LRRTM3: variants seen among roughly 807,000 people sequenced by gnomAD.
LRRTM3 encodes the protein leucine-rich repeat transmembrane neuronal protein 3.
In LRRTM3, 24 loss-of-function variants were observed where a neutral mutation model predicts 44.7. The ratio of observed to expected loss-of-function variants is 0.54; its 90% CI spans 0.39 to 0.76. The LOEUF is 0.76. Ranked by LOEUF, LRRTM3 falls within the 30% of genes least tolerant of loss-of-function variation. The pLI is 0.00. For missense variants in LRRTM3, 587 were observed against 702.2 expected, an observed-to-expected ratio of 0.84 and a Z score of 1.85; for synonymous variants, 277 against 278.7, an observed-to-expected ratio of 0.99 and a Z score of 0.06.
intron 2 of LRRTM3, among the ~76,000 whole-genome samples, chr10:67,091,808 C>G (rs1306920350): frequency 6.6e-6 from 1 of 151,970 alleles, no homozygotes; most frequent in Non-Finnish European, 1.5e-5. Context: ...ATTAAGCTGA[C>G]TTAATCTAAT....
At chr10:67,084,109 A>C (rs1857185519) in intron 2 of LRRTM3, among the ~76,000 whole-genome samples, 1 of 152,054 alleles carries the variant, frequency 6.6e-6, no homozygotes, top group African/African-American at 2.4e-5. Flanking sequence ...ATATATTAAA[A>C]CACCTATATT....
chr10:67,003,009 C>T (rs941369426), intron 2 of LRRTM3, among the ~76,000 whole-genome samples: 7 of 152,060 alleles, frequency 4.6e-5, no homozygotes, highest in Non-Finnish European at 7.4e-5. Flanking sequence ...ATTGCTTTCA[C>T]GGTAATTATG....
At chr10:67,078,782 C>T (rs1372264923) in intron 2 of LRRTM3, among the ~76,000 whole-genome samples, 1 of 152,158 alleles carries the variant, frequency 6.6e-6, no homozygotes, top group Admixed American at 6.5e-5. Flanking sequence ...CCCCAACGTG[C>T]TGAGATTACA....
intron 2 of LRRTM3, among the ~76,000 whole-genome samples, chr10:67,094,960 C>T (rs1857885548): frequency 6.6e-6 from 1 of 151,502 alleles, no homozygotes; most frequent in South Asian, 2.1e-4. Context: ...TTTGCATTTT[C>T]CATACCTGAT....
At chr10:67,076,169 C>G (rs892043257) in intron 2 of LRRTM3, among the ~76,000 whole-genome samples, 2 of 152,192 alleles carry the variant, frequency 1.3e-5, no homozygotes, top group Non-Finnish European at 2.9e-5. Flanking sequence ...TCAGAAGATT[C>G]AATTCCTCCA....
chr10:66,950,267 A>G (rs994810544), intron 2 of LRRTM3, among the ~76,000 whole-genome samples: 3 of 152,106 alleles, frequency 2.0e-5, no homozygotes, highest in Non-Finnish European at 4.4e-5. Flanking sequence ...TTTTACTTCT[A>G]TAGCCATTAA....
intron 2 of LRRTM3, among the ~76,000 whole-genome samples, chr10:66,966,831 CTG>C (rs1849442540): frequency 6.6e-6 from 1 of 152,048 alleles, no homozygotes; most frequent in Non-Finnish European, 1.5e-5. Context: ...CTCCATATCT[CTG>C]TGTTACCCAA....
At chr10:67,089,191 A>G (rs1336991394) in intron 2 of LRRTM3, among the ~76,000 whole-genome samples, 1 of 152,008 alleles carries the variant, frequency 6.6e-6, no homozygotes, top group Non-Finnish European at 1.5e-5. Flanking sequence ...TGTACTTGTG[A>G]CCTCAGAATA....
intron 2 of LRRTM3, among the ~76,000 whole-genome samples, chr10:66,929,265 G>T (rs1847238891): frequency 6.6e-6 from 1 of 152,180 alleles, no homozygotes; most frequent in African/African-American, 2.4e-5. Context: ...TGAGAAGCCA[G>T]ATTTCTCCAC....
In LRRTM3 at chr10:67,025,965, G is replaced by A. The variant is rs559545915; in HGVS notation, c.1537-71622G>A. ...GAGTTCATGTCCTTTGTAGGGACAT[G>A]GATGAAATTGGAAATCATCATTCTC... is the stretch of plus-strand genomic sequence containing the variant. On this transcript the variant is annotated intron_variant, in intron 2 of 2. Coordinates refer to ENST00000361320, the MANE Select transcript of LRRTM3 (RefSeq NM_178011.5). Among the ~76,000 whole-genome samples, 409 of 150,932 alleles carry A rather than the reference G, an allele frequency of 2.7e-3. 3 individuals are homozygous for A. Among genetic ancestry groups the A allele is most frequent in the African/African-American group, 9.2e-3 (374 of 40,644 alleles).
chr10:66,946,302 C>A (rs1234890296), intron 2 of LRRTM3, among the ~76,000 whole-genome samples: 1 of 152,080 alleles, frequency 6.6e-6, no homozygotes, highest in Non-Finnish European at 1.5e-5. Context: ...GACCTGCATG[C>A]TGGAAAGTTG....
At position 66,926,619 on chromosome 10, in the gene LRRTM3, TAAAAACA is replaced by T. The variant is rs746377219; in HGVS notation, c.4+46_4+52del. 1.1e-4 allele frequency: 171 copies of T among 1,612,800 alleles called. 1 individual carries two copies. In the South Asian group the frequency reaches 1.4e-3, roughly 13 times the overall value. ...TTTGTCATTTTTCTTCTTTCCTTCT[TAAAAACA>T]AAAAACAAAAAACCTCTAGTGTGTG... On this transcript the variant is annotated intron_variant, in intron 1 of 2. Transcript: ENST00000361320.
At chr10:67,021,588 T>G (rs1853019262) in intron 2 of LRRTM3, among the ~76,000 whole-genome samples, 2 of 152,092 alleles carry the variant, frequency 1.3e-5, no homozygotes, top group Non-Finnish European at 2.9e-5. Flanking sequence ...ATGAAAGTTA[T>G]GTAGTGATAT....
At chr10:66,949,509 G>A (rs920366094) in intron 2 of LRRTM3, among the ~76,000 whole-genome samples, 10 of 151,276 alleles carry the variant, frequency 6.6e-5, no homozygotes, top group African/African-American at 2.4e-4. Context: ...AGTGAGCCAA[G>A]ATCGCGCCAT....
rs185238731 is a variant in LRRTM3, at chr10:67,027,339, T to C, written c.1537-70248T>C. Among the ~76,000 whole-genome samples the C allele has an allele frequency of 3.2e-3, 490 of 152,268 alleles. 5 individuals are homozygous for C. Among genetic ancestry groups the C allele is most frequent in the African/African-American group, 0.011 (460 of 41,558 alleles). ...ATCTGACATTCAACTGACATTCTTC[T>C]AAAATTGGTATTCCTGGATTACTTT... On this transcript the variant is annotated intron_variant, in intron 2 of 2. Transcript: ENST00000361320.
At chr10:67,044,960 A>T (rs1298861196) in intron 2 of LRRTM3, among the ~76,000 whole-genome samples, 1 of 152,226 alleles carries the variant, frequency 6.6e-6, no homozygotes, top group Non-Finnish European at 1.5e-5. Flanking sequence ...ATAAGATTTG[A>T]TATTTAAAAC....
At chr10:67,038,690 A>C (rs114918817) in intron 2 of LRRTM3, among the ~76,000 whole-genome samples, 1,836 of 152,186 alleles carry the variant, frequency 0.012, 47 homozygotes, top group African/African-American at 0.042. Flanking sequence ...ATCAATTCCT[A>C]AGGTGAAACA....
At chr10:67,028,502 G>T (rs1162907061) in intron 2 of LRRTM3, among the ~76,000 whole-genome samples, 4 of 151,864 alleles carry the variant, frequency 2.6e-5, no homozygotes, top group Non-Finnish European at 5.9e-5. Context: ...GGCAAACTAG[G>T]AAGTAAAGAC....
intron 2 of LRRTM3, among the ~76,000 whole-genome samples, chr10:67,096,461 TCAAA>T (rs1858000823): frequency 6.6e-6 from 1 of 151,892 alleles, no homozygotes; most frequent in Non-Finnish European, 1.5e-5. Flanking sequence ...TCTGATGTGC[TCAAA>T]CAAATATACA....
Sources: gnomAD v4.1 joint callset for allele counts (sites outside exome capture counted in the v4.1 genomes callset) on GRCh38, gnomAD v4.1.1 for gene constraint, MANE v1.5 for transcripts, NCBI Gene and HGNC (gene_info 2026-07-23, HGNC 2026-07-21) for gene names.